Variants in PFKP observed in about 807,000 individuals in gnomAD.
PFKP encodes the protein phosphofructokinase, platelet, also known as ATP-dependent 6-phosphofructokinase, platelet type.
Under a neutral mutation model 94.3 loss-of-function variants are expected in PFKP, and 101 were observed. The observed-to-expected ratio is 1.07, with a 90% CI of 0.91 to 1.26. The LOEUF (loss-of-function observed/expected upper bound fraction) is 1.26. Among genes scored for constraint, PFKP ranks in the 50% most tolerant of loss-of-function variants. The pLI is 0.00. For synonymous variants in PFKP, 573 were observed against 432.6 expected (o/e 1.32, Z -4.03); for missense variants, 1,145 against 1,103.3 (o/e 1.04, Z -0.53).
At chr10:3,098,299 G>C (rs552721318) in intron 2 of PFKP, among the ~76,000 whole-genome samples, 1 of 152,260 alleles carries the variant, frequency 6.6e-6, no homozygotes, top group Admixed American at 6.5e-5. Flanking sequence ...GAGTTATGTA[G>C]ATGAAGTTAC....
In PFKP at chr10:3,129,773, C is replaced by T. The variant is rs371941392; in HGVS notation, c.1684-46C>T. 4.7e-5 allele frequency: 76 copies of T among 1,601,034 alleles called. 1 individual carries two copies. Among genetic ancestry groups the T allele is most frequent in the South Asian group, 1.6e-4 (14 of 90,164 alleles). On this transcript the variant is annotated intron_variant, in intron 16 of 21. Transcript: ENST00000381125. The stretch of plus-strand genomic sequence containing the variant: ...TGGGGGAGCTCTGGGATGGTGGGCG[C>T]GCCCCGGGCCTGGGCTGGAGTGACT...
chr10:3,102,842 A>T (rs528940857), intron 4 of PFKP, among the ~76,000 whole-genome samples: 2 of 152,326 alleles, frequency 1.3e-5, no homozygotes, highest in South Asian at 4.1e-4. Flanking sequence ...CTCGTAGGGG[A>T]TGGAGAAGGC....
chr10:3,102,910 G>C (rs533092056), intron 4 of PFKP, among the ~76,000 whole-genome samples: 4 of 152,220 alleles, frequency 2.6e-5, no homozygotes, highest in Admixed American at 6.5e-5. Flanking sequence ...ATCCCGTCTG[G>C]CACAGCACAG....
intron 11 of PFKP, 73 bp downstream of exon 11, chr10:3,112,359 T>G (rs1836330749): frequency 1.8e-6 from 2 of 1,111,194 alleles, no homozygotes; most frequent in East Asian, 4.7e-5. Context: ...GCAAACGTGC[T>G]TAGGGGTTGT....
At chr10:3,110,319 C>T (rs1161080519) in intron 10 of PFKP, among the ~76,000 whole-genome samples, 1 of 151,716 alleles carries the variant, frequency 6.6e-6, no homozygotes, top group Non-Finnish European at 1.5e-5. Context: ...CTGCCTCAGC[C>T]TTCCGAGTAG....
chr10:3,136,218 T>C (rs1309520471), intron 21 of PFKP, among the ~76,000 whole-genome samples: 1 of 152,104 alleles, frequency 6.6e-6, no homozygotes, highest in Admixed American at 6.5e-5. Context: ...TGAGCTGAGA[T>C]TGCACCACTG....
chr10:3,135,982 T>G (rs1403717087), intron 21 of PFKP, 144 bp downstream of exon 21: 4 of 616,738 alleles, frequency 6.5e-6, no homozygotes, highest in African/African-American at 1.9e-5. Context: ...ATACTAGGTC[T>G]TGGCTGGGCG....
rs148295276 is a variant in PFKP at position 3,073,563 on chromosome 10, C to T, written c.112+5856C>T. 5.1e-3 allele frequency among the ~76,000 whole-genome samples: 779 copies of T among 151,960 alleles called. 11 individuals carry two copies. The highest frequency in any genetic ancestry group is 0.018 in the African/African-American group (747 of 41,434). The stretch of plus-strand genomic sequence containing the variant: ...TGCAAATCGGGCAGATCAGCTTCTC[C>T]ACTTCTCCAGGTTTCCCCAATGTGA... On this transcript the variant is annotated intron_variant, in intron 1 of 21. Transcript: ENST00000381125.
At chr10:3,100,970 C>T in intron 3 of PFKP, 1 of 1,612,350 alleles carries the variant, frequency 6.2e-7, no homozygotes, top group South Asian at 1.1e-5. Flanking sequence ...GGTCACACCG[C>T]TTCCCTTGTC....
At chr10:3,100,471 G>A (rs931592920) in intron 3 of PFKP, among the ~76,000 whole-genome samples, 1 of 152,156 alleles carries the variant, frequency 6.6e-6, no homozygotes, top group African/African-American at 2.4e-5. Flanking sequence ...TGGAATATTA[G>A]TGAGTCTCTG....
chr10:3,107,077 A>G, intron 7 of PFKP, 137 bp from the exon 8 acceptor site: 1 of 582,134 alleles, frequency 1.7e-6, no homozygotes, highest in Non-Finnish European at 3.1e-6. Context: ...ATTGGGAAGC[A>G]GCTCTTAGGA....
chr10:3,125,431 T>C (rs1386682092), intron 16 of PFKP, among the ~76,000 whole-genome samples: 1 of 152,200 alleles, frequency 6.6e-6, no homozygotes, highest in Non-Finnish European at 1.5e-5. Context: ...AGGGAGAGCC[T>C]GTCTTTATTG....
rs12572717 is a variant in PFKP at position 3,120,023 on chromosome 10, C to T, written c.1662C>T (p.Thr554=). 3.5e-4 allele frequency: 561 copies of T among 1,614,070 alleles called. 4 individuals carry two copies. In the East Asian group the frequency reaches 6.4e-3, roughly 18 times the overall value. ...PGSDFSIGAD[T]ALNTITDTCD... ...CCGATTTCAGCATCGGGGCAGACAC[C>T]GCCCTGAACACTATCACCGACGTAA... Residue 554 remains threonine (T), a synonymous_variant, in exon 16 of 22, where the codon ACC becomes ACT. Coordinates refer to ENST00000381125, the MANE Select transcript of PFKP (RefSeq NM_002627.5).
chr10:3,128,505 T>TCA (rs57688421), intron 16 of PFKP, among the ~76,000 whole-genome samples: 96,065 of 151,912 alleles, frequency 0.63, 30,719 homozygotes, highest in South Asian at 0.71. Flanking sequence ...AAAATAATAC[T>TCA]CTCTCCCACA....
At chr10:3,072,061 A>C (rs1423468928) in intron 1 of PFKP, among the ~76,000 whole-genome samples, 1 of 152,214 alleles carries the variant, frequency 6.6e-6, no homozygotes, top group Non-Finnish European at 1.5e-5. Flanking sequence ...GCTTCGCAGG[A>C]ATGCAAGTGT....
intron 4 of PFKP, among the ~76,000 whole-genome samples, chr10:3,102,093 T>C (rs1011835457): frequency 6.7e-6 from 1 of 149,962 alleles, no homozygotes; most frequent in African/African-American, 2.4e-5. Flanking sequence ...CTACTAAAAA[T>C]ACAAAAAATT....
intron 16 of PFKP, 79 bp from the exon 17 acceptor site, chr10:3,129,740 C>T (rs1838343164): frequency 6.7e-7 from 1 of 1,501,254 alleles, no homozygotes; most frequent in Non-Finnish European, 9.1e-7. Flanking sequence ...CCTTGCTGCA[C>T]TCACTCTTGG....
At chr10:3,068,781 C>T (rs1340061479) in intron 1 of PFKP, 3 of 798,438 alleles carry the variant, frequency 3.8e-6, no homozygotes, top group Admixed American at 6.2e-5. Flanking sequence ...ACCTGGGAGC[C>T]TTAGCGATCG....
Position 3,089,439 on chromosome 10 carries a change from T to C in PFKP, c.186+6978T>C, listed in dbSNP as rs371013025. Among the ~76,000 whole-genome samples, 9 of 152,178 alleles carry C rather than the reference T, an allele frequency of 5.9e-5. No individual in the cohort carries two copies. The East Asian group carries it at 1.2e-3, about 20-fold the overall frequency. On this transcript the variant is annotated intron_variant, in intron 2 of 21. Coordinates refer to ENST00000381125, the MANE Select transcript of PFKP (RefSeq NM_002627.5). The stretch of plus-strand genomic sequence containing the variant: ...GAGTGCGGAGGTCTCTTTCTGCCGA[T>C]TCCCTTTCTCGGGGTATATGCCCAG...
Sources: gnomAD v4.1 joint callset for allele counts (sites outside exome capture counted in the v4.1 genomes callset) on GRCh38, gnomAD v4.1.1 for gene constraint, MANE v1.5 for transcripts, NCBI Gene and HGNC (gene_info 2026-07-23, HGNC 2026-07-21) for gene names.